The following DHX37 variants were observed in gnomAD, a reference collection of about 807,000 sequenced individuals.
DHX37 encodes DEAH-box helicase 37, also known as probable ATP-dependent RNA helicase DHX37.
DHX37 carries 52 observed loss-of-function variants against 134.3 expected under a neutral mutation model. That is an observed-to-expected ratio of 0.39 (90% confidence interval 0.31 to 0.49). DHX37 has a LOEUF of 0.49. Among genes scored for constraint, DHX37 ranks in the 20% least tolerant of loss-of-function variants. The pLI is 0.93. For synonymous variants in DHX37, 634 were observed against 670.7 expected, an observed-to-expected ratio of 0.95 and a Z score of 0.85; for missense variants, 1,344 against 1,580.8, an observed-to-expected ratio of 0.85 and a Z score of 2.54.
intron 2 of DHX37, 22 bp from the exon 3 acceptor site, chr12:124,982,645 TTATG>T: frequency 6.2e-7 from 1 of 1,610,168 alleles, no homozygotes; most frequent in South Asian, 1.1e-5. Context: ...AACGAGTGTA[TTATG>T]CATTTGCCAT....
intron 3 of DHX37, 65 bp downstream of exon 3, chr12:124,982,446 C>T (rs1954777573): frequency 6.3e-7 from 1 of 1,594,184 alleles, no homozygotes; most frequent in Admixed American, 1.7e-5. Flanking sequence ...GACCCCATAA[C>T]CTGTGCGCCC....
At chr12:124,973,640 T>TTTTTTTTTTTTTTTTTTTTTTTTTTTG in intron 6 of DHX37, among the ~76,000 whole-genome samples, 1 of 138,476 alleles carries the variant, frequency 7.2e-6, no homozygotes, top group African/African-American at 2.8e-5. Context: ...CCCCAACGCT[T>TTTTTTTTTTTTTTTTTTTTTTTTTTTG]TTTTTTTTTT....
Position 124,949,169 on chromosome 12 carries a change from C to T in DHX37, c.3290+817G>A, listed in dbSNP as rs1953925526. On this transcript the variant is annotated intron_variant, in intron 25 of 26. Coordinates refer to ENST00000308736, the MANE Select transcript of DHX37 (RefSeq NM_032656.4). The surrounding 1 kb of genome is among the most constrained non-coding windows in gnomAD (Gnocchi z 4.0). ...ACAGAGATCGTGTCTGTATCCCAGC[C>T]CCGAGAACATGCCTGGGACAGGGCC... is the stretch of plus-strand genomic sequence containing the variant. Among the ~76,000 whole-genome samples the T allele has an allele frequency of 6.6e-6, 1 of 152,186 alleles. No individual in the cohort carries two copies.
chr12:124,976,064 C>G (rs1229461340), intron 5 of DHX37, among the ~76,000 whole-genome samples: 1 of 152,194 alleles, frequency 6.6e-6, no homozygotes, highest in African/African-American at 2.4e-5. Context: ...TTCGTTCCTG[C>G]CAGGCAGGGT....
intron 10 of DHX37, 88 bp from the exon 11 acceptor site, chr12:124,967,306 G>T: frequency 7.0e-7 from 1 of 1,430,772 alleles, no homozygotes; most frequent in Non-Finnish European, 9.6e-7. Context: ...TGCTCTGAGA[G>T]GCAAGGTTCC....
chr12:124,959,031 T>A (rs1050876370), intron 16 of DHX37, among the ~76,000 whole-genome samples: 2 of 128,124 alleles, frequency 1.6e-5, no homozygotes, highest in Non-Finnish European at 3.0e-5. Flanking sequence ...TGCCTCAGCC[T>A]CCCAAGTAGC....
chr12:124,965,990 G>C (rs1212130472), intron 12 of DHX37, among the ~76,000 whole-genome samples, 178 bp from the exon 13 acceptor site: 2 of 152,174 alleles, frequency 1.3e-5, no homozygotes, highest in African/African-American at 4.8e-5. Flanking sequence ...CTAAACATTG[G>C]GGACTATCAT....
intron 15 of DHX37, among the ~76,000 whole-genome samples, chr12:124,961,316 TTACA>T (rs756561326): frequency 6.7e-5 from 9 of 134,558 alleles, no homozygotes; most frequent in Non-Finnish European, 7.6e-5. Context: ...GCACACACAC[TTACA>T]TACACACGTG....
chr12:124,971,097 G>A (rs566291714), intron 8 of DHX37, among the ~76,000 whole-genome samples: 1 of 152,364 alleles, frequency 6.6e-6, no homozygotes, highest in East Asian at 1.9e-4. Context: ...GGGCGGTGGG[G>A]AGGGGATCAC....
intron 21 of DHX37, among the ~76,000 whole-genome samples, chr12:124,951,876 G>A (rs1429083408): frequency 6.6e-6 from 1 of 152,178 alleles, no homozygotes; most frequent in Non-Finnish European, 1.5e-5. Context: ...GGAGGCTGAG[G>A]CAGGAAAATT....
intron 2 of DHX37, 80 bp downstream of exon 2, chr12:124,986,016 A>G (rs1434161521): frequency 5.8e-6 from 9 of 1,550,376 alleles, no homozygotes; most frequent in Non-Finnish European, 7.9e-6. Flanking sequence ...CACCACAGAG[A>G]CACCCTCAGG....
At position 124,968,963 on chromosome 12, in the gene DHX37, G is replaced by C; in HGVS notation, c.1197C>G (p.Asn399Lys). 1 of 1,613,650 alleles carries C rather than the reference G, an allele frequency of 6.2e-7. No individual in the cohort carries two copies. Among genetic ancestry groups the C allele is most frequent in the Non-Finnish European group, 8.5e-7 (1 of 1,179,898 alleles). Residue 399 changes from asparagine (N) to lysine (K), a missense_variant, in exon 9 of 27, where the codon AAC becomes AAG. By Grantham distance (94) the Asn-to-Lys change is moderately conservative. This residue lies in a region of DHX37 where 289 missense variants were observed against 323.8 expected (regional missense o/e 0.89). Coordinates refer to ENST00000308736, the MANE Select transcript of DHX37 (RefSeq NM_032656.4). ...SRIVTLRAKR[N>K]LPLKLLIMSA... ...ACATGATGAGCAGCTTGAGTGGCAG[G>C]TTCCTCTGCAAAAGGACAGGCTCAG...
chr12:124,952,741 T>G (rs755728787), intron 20 of DHX37, 171 bp from the exon 21 acceptor site: 12 of 538,276 alleles, frequency 2.2e-5, no homozygotes, highest in Non-Finnish European at 3.2e-5. Context: ...CAGGCAGGAT[T>G]GCAGCCGCCC....
chr12:124,963,797 G>T (rs988013791), intron 15 of DHX37, among the ~76,000 whole-genome samples: 2 of 148,612 alleles, frequency 1.3e-5, no homozygotes, highest in Admixed American at 6.8e-5. Context: ...AGAGAATGGC[G>T]TGAACCCGGG....
At chr12:124,968,749 C>A (rs1954451809) in intron 9 of DHX37, 101 bp from the exon 10 acceptor site, 1 of 1,599,458 alleles carries the variant, frequency 6.3e-7, no homozygotes, top group South Asian at 1.1e-5. Context: ...GTTTCTAACA[C>A]CCCCTCCAAG....
chr12:124,951,708 C>T (rs1198007370), intron 21 of DHX37, among the ~76,000 whole-genome samples: 1 of 151,990 alleles, frequency 6.6e-6, no homozygotes, highest in Non-Finnish European at 1.5e-5. Flanking sequence ...CTGGGTAACA[C>T]TGCTTGTAAG....
intron 21 of DHX37, among the ~76,000 whole-genome samples, chr12:124,951,687 T>C (rs1356767543): frequency 6.6e-6 from 1 of 152,096 alleles, no homozygotes; most frequent in Non-Finnish European, 1.5e-5. Context: ...GGCCAGGAGT[T>C]CAAGACTAGC....
intron 8 of DHX37, among the ~76,000 whole-genome samples, chr12:124,970,098 G>A (rs1356949251): frequency 4.6e-5 from 7 of 152,146 alleles, no homozygotes; most frequent in African/African-American, 1.2e-4. Flanking sequence ...TCAGCCTCCC[G>A]AGTAGTTGAG....
At position 124,950,548 on chromosome 12, in the gene DHX37, C is replaced by T. The variant is rs781579759; in HGVS notation, c.2986G>A (p.Val996Ile). The change falls in exon 23 of 27, where the codon GTC (valine) becomes ATC (isoleucine). Residue 996 changes from valine (V) to isoleucine (I), a missense_variant and splice_region_variant. Physicochemically the swap from Val to Ile is conservative, Grantham distance 29. Around this residue, in one of 7 missense-constraint regions of DHX37, gnomAD observed 558 missense variants for 650.0 expected, o/e 0.86. Transcript: ENST00000308736. ...VETTKMYMKG[V>I]SSVEVQWIPA... ...ATCCACTGGACCTCCACGCTAGAGACGCCTGGGGGCCGGGGGAGGAAGCTG... is the reference window on the plus strand; with the variant it reads ...ATCCACTGGACCTCCACGCTAGAGATGCCTGGGGGCCGGGGGAGGAAGCTG... 2.1e-5 allele frequency: 32 copies of T among 1,548,720 alleles called. No individual in the cohort carries two copies. The East Asian group carries it at 4.1e-4, about 20-fold the overall frequency.
Sources: gnomAD v4.1 joint callset for allele counts (sites outside exome capture counted in the v4.1 genomes callset) on GRCh38, gnomAD v4.1.1 for gene constraint, gnomAD v4.1.1 regional missense constraint, Gnocchi (gnomAD v3.1) non-coding constraint, MANE v1.5 for transcripts, NCBI Gene and HGNC (gene_info 2026-07-23, HGNC 2026-07-21) for gene names.